The following ME1 variants were observed in gnomAD, a reference collection of about 807,000 sequenced individuals.
ME1 encodes the protein malic enzyme 1.
ME1 carries 74 observed loss-of-function variants against 66.4 expected under a neutral mutation model. The ratio of observed to expected loss-of-function variants is 1.11; its 90% confidence interval spans 0.92 to 1.35. ME1 has a LOEUF of 1.35. Ranked by LOEUF, ME1 falls within the 40% of genes most tolerant of loss-of-function variation. The probability of loss-of-function intolerance (pLI) is 0.00; values close to 1 mark genes in which losing one functional copy is unlikely to be tolerated. For missense variants in ME1, 750 were observed against 694.1 expected (o/e 1.08, Z -0.90); for synonymous variants, 251 against 235.6 (o/e 1.07, Z -0.60).
intron 6 of ME1, among the ~76,000 whole-genome samples, chr6:83,275,742 G>A (rs1409952169): frequency 7.7e-6 from 1 of 130,654 alleles, no homozygotes; most frequent in Non-Finnish European, 1.6e-5. Flanking sequence ...TGGGATTACC[G>A]GTGTGAGCCA....
chr6:83,228,564 T>C (rs1019375680), intron 10 of ME1, among the ~76,000 whole-genome samples: 48 of 152,122 alleles, frequency 3.2e-4, no homozygotes, highest in African/African-American at 1.1e-3. Flanking sequence ...TCTGGAGTAA[T>C]CAAGCCTAGA....
intron 3 of ME1, among the ~76,000 whole-genome samples, chr6:83,379,710 CATGTT>C (rs1769359816): frequency 6.6e-6 from 1 of 151,926 alleles, no homozygotes; most frequent in Admixed American, 6.6e-5. Context: ...TTACTAAATA[CATGTT>C]ATAACATTAA....
chr6:83,278,490 A>G (rs969916261), intron 6 of ME1, among the ~76,000 whole-genome samples: 1 of 152,206 alleles, frequency 6.6e-6, no homozygotes, highest in Non-Finnish European at 1.5e-5. Flanking sequence ...CGCCCAGGCT[A>G]GAGTGCAGGG....
rs1479510156 is a variant in ME1, at chr6:83,413,391, T to C, written c.79-5490A>G. Among the ~76,000 whole-genome samples, 4 of 152,198 alleles carry C rather than the reference T, an allele frequency of 2.6e-5. No individual in the cohort carries two copies. In the East Asian group the frequency reaches 7.7e-4, roughly 29 times the overall value. On this transcript the variant is annotated intron_variant, in intron 1 of 13. Transcript: ENST00000369705. ...AATATGATTGTCTTTGAATCCTTTA[T>C]GAAAATTTTTTCTTAATTTTTTATT...
At position 83,310,344 on chromosome 6, in the gene ME1, A is replaced by T. The variant is rs181005718; in HGVS notation, c.704+4966T>A. Reference sequence around the variant, plus strand: ...CAGAGTTCCCCACGGGATCAGGGAAAGCTGTCATGGTGCCTGCAGGCAGCT... The same window carrying T: ...CAGAGTTCCCCACGGGATCAGGGAATGCTGTCATGGTGCCTGCAGGCAGCT... On this transcript the variant is annotated intron_variant, in intron 6 of 13. Transcript: ENST00000369705. Among the ~76,000 whole-genome samples, 11 of 152,342 alleles carry T rather than the reference A, an allele frequency of 7.2e-5. No homozygotes were observed. The East Asian group carries it at 2.1e-3, about 29-fold the overall frequency.
At chr6:83,322,826 A>G (rs1768204084) in intron 5 of ME1, among the ~76,000 whole-genome samples, 1 of 152,196 alleles carries the variant, frequency 6.6e-6, no homozygotes, top group African/African-American at 2.4e-5. Context: ...ATACTCCTCG[A>G]CAAAAGCAAC....
chr6:83,402,721 G>T (rs990511493), intron 2 of ME1, among the ~76,000 whole-genome samples: 2 of 152,156 alleles, frequency 1.3e-5, no homozygotes, highest in African/African-American at 4.8e-5. Flanking sequence ...ATTCAAGCAG[G>T]ATTACTAGTG....
At chr6:83,407,035 T>C (rs912412906) in intron 2 of ME1, among the ~76,000 whole-genome samples, 9 of 150,944 alleles carry the variant, frequency 6.0e-5, no homozygotes, top group African/African-American at 2.2e-4. Context: ...CGGAGAACCC[T>C]GAGTAACACC....
chr6:83,408,535 A>G (rs927281797), intron 1 of ME1, among the ~76,000 whole-genome samples: 1 of 152,232 alleles, frequency 6.6e-6, no homozygotes, highest in Non-Finnish European at 1.5e-5. Flanking sequence ...CTAAAGCCTC[A>G]GTATATCCAT....
At chr6:83,225,924 T>C (rs1200052833) in intron 11 of ME1, among the ~76,000 whole-genome samples, 1 of 151,542 alleles carries the variant, frequency 6.6e-6, no homozygotes, top group African/African-American at 2.4e-5. Flanking sequence ...ATGACAGTAC[T>C]GTAGCTAGCT....
chr6:83,243,558 G>A (rs1358349719), intron 7 of ME1, among the ~76,000 whole-genome samples: 1 of 51,058 alleles, frequency 2.0e-5, no homozygotes, highest in Non-Finnish European at 3.4e-5. Flanking sequence ...ATATTATATC[G>A]ATATAATCTA....
chr6:83,228,982 T>C, intron 9 of ME1, 51 bp from the exon 10 acceptor site: 1 of 1,209,606 alleles, frequency 8.3e-7, no homozygotes, highest in Non-Finnish European at 1.2e-6. Flanking sequence ...CATGTGAGGG[T>C]CAATAAATTT....
intron 5 of ME1, among the ~76,000 whole-genome samples, chr6:83,316,857 T>C (rs1768042297): frequency 6.6e-6 from 1 of 151,834 alleles, no homozygotes; most frequent in Admixed American, 6.6e-5. Context: ...TAAGGACATA[T>C]TTAAGAAAAT....
At chr6:83,213,819 T>C (rs912377125) in intron 13 of ME1, among the ~76,000 whole-genome samples, 2 of 152,132 alleles carry the variant, frequency 1.3e-5, no homozygotes, top group African/African-American at 4.8e-5. Flanking sequence ...TATTATGAAA[T>C]GTCTATGAAA....
intron 3 of ME1, among the ~76,000 whole-genome samples, chr6:83,358,933 T>C (rs1489565863): frequency 1.3e-5 from 2 of 152,192 alleles, no homozygotes; most frequent in Non-Finnish European, 2.9e-5. Flanking sequence ...TAAACTTTAA[T>C]GTTGAAAATG....
chr6:83,426,362 T>C (rs1185841535), intron 1 of ME1, among the ~76,000 whole-genome samples: 3 of 152,246 alleles, frequency 2.0e-5, no homozygotes, highest in Non-Finnish European at 2.9e-5. Flanking sequence ...CATTTTGTTA[T>C]TGTGATATTC....
chr6:83,296,793 T>G (rs1366292048), intron 6 of ME1, among the ~76,000 whole-genome samples: 1 of 152,230 alleles, frequency 6.6e-6, no homozygotes, highest in African/African-American at 2.4e-5. Context: ...AAAAGCTCCT[T>G]CATTTGATAA....
intron 3 of ME1, among the ~76,000 whole-genome samples, chr6:83,389,634 A>T (rs1452743551): frequency 6.6e-6 from 1 of 152,182 alleles, no homozygotes; most frequent in African/African-American, 2.4e-5. Flanking sequence ...AGTAGGTAGA[A>T]ATATTTCCAA....
At chr6:83,228,452 C>T (rs1343478112) in intron 10 of ME1, among the ~76,000 whole-genome samples, 1 of 152,194 alleles carries the variant, frequency 6.6e-6, no homozygotes, top group African/African-American at 2.4e-5. Flanking sequence ...CCTTTACTCC[C>T]TTCCAACCCC....
Sources: gnomAD v4.1 joint callset for allele counts (sites outside exome capture counted in the v4.1 genomes callset) on GRCh38, gnomAD v4.1.1 for gene constraint, MANE v1.5 for transcripts, NCBI Gene and HGNC (gene_info 2026-07-23, HGNC 2026-07-21) for gene names.